The following GALNT13 variants were observed in gnomAD, a reference collection of about 807,000 sequenced individuals.
GALNT13 encodes UDP-GalNAc:polypeptide N-acetylgalactosaminyltransferase 13.
A neutral mutation model predicts 64.2 loss-of-function variants in GALNT13; 28 were observed. The observed-to-expected ratio is 0.44, with a 90% confidence interval of 0.32 to 0.60. GALNT13 has a LOEUF of 0.60. Ranked by LOEUF, GALNT13 falls within the 20% of genes least tolerant of loss-of-function variation. The pLI is 0.05. For synonymous variants in GALNT13, 214 were observed against 224.6 expected, an observed-to-expected ratio of 0.95 and a Z score of 0.42; for missense variants, 577 against 669.8, an observed-to-expected ratio of 0.86 and a Z score of 1.53.
intron 10 of GALNT13, among the ~76,000 whole-genome samples, chr2:154,408,009 A>AT (rs1553527472): frequency 1.3e-5 from 2 of 152,130 alleles, no homozygotes; most frequent in Non-Finnish European, 1.5e-5. Context: ...ATAAGTAAAT[A>AT]TATGTGTCCA....
At chr2:153,184,515 G>A in the GALNT13 span, among the ~76,000 whole-genome samples, 1 of 152,136 alleles carries the variant, frequency 6.6e-6, no homozygotes, top group Non-Finnish European at 1.5e-5. Flanking sequence ...ATGTTGAATG[G>A]GAGTGGTGAG....
At chr2:153,936,908 G>A (rs754632722) in intron 2 of GALNT13, among the ~76,000 whole-genome samples, 24 of 151,932 alleles carry the variant, frequency 1.6e-4, no homozygotes, top group Non-Finnish European at 2.8e-4. Context: ...TTGTAGAGAC[G>A]GGGTTTCACT....
chr2:154,385,906 A>C (rs1187784562), intron 9 of GALNT13, among the ~76,000 whole-genome samples: 1 of 152,074 alleles, frequency 6.6e-6, no homozygotes, highest in Admixed American at 6.6e-5. Flanking sequence ...GGAAAAACAC[A>C]GCTTTTCCTG....
At chr2:154,075,477 A>G (rs1250025715) in intron 3 of GALNT13, among the ~76,000 whole-genome samples, 3 of 151,858 alleles carry the variant, frequency 2.0e-5, no homozygotes, top group African/African-American at 4.8e-5. Flanking sequence ...ATTCCTCTAT[A>G]ACAGTTTTAG....
the GALNT13 span, among the ~76,000 whole-genome samples, chr2:153,079,076 T>A: frequency 2.6e-5 from 4 of 152,112 alleles, no homozygotes; most frequent in Non-Finnish European, 5.9e-5. Flanking sequence ...GTCAGTAGAT[T>A]AGGAGACGAC....
intron 3 of GALNT13, among the ~76,000 whole-genome samples, chr2:153,949,960 T>G (rs143944378): frequency 1.1e-4 from 16 of 152,134 alleles, no homozygotes; most frequent in African/African-American, 3.6e-4. Flanking sequence ...AAGTTTGGAT[T>G]TAGGACTTAA....
intron 9 of GALNT13, among the ~76,000 whole-genome samples, chr2:154,347,975 T>C (rs762168991): frequency 1.3e-5 from 2 of 152,152 alleles, no homozygotes; most frequent in Non-Finnish European, 2.9e-5. Context: ...TTTTAAAAAA[T>C]CAAGTACATT....
chr2:153,959,830 C>T (rs1169916612), intron 3 of GALNT13, among the ~76,000 whole-genome samples: 2 of 152,096 alleles, frequency 1.3e-5, no homozygotes, highest in Admixed American at 1.3e-4. Flanking sequence ...ATGGCTGCCC[C>T]CCACCAATGG....
At chr2:153,226,608 A>G in the GALNT13 span, among the ~76,000 whole-genome samples, 2 of 152,182 alleles carry the variant, frequency 1.3e-5, no homozygotes, top group African/African-American at 4.8e-5. Flanking sequence ...TCCCATTTGA[A>G]GGGCATTCTA....
intron 7 of GALNT13, among the ~76,000 whole-genome samples, chr2:154,256,264 G>A (rs1446403675): frequency 1.3e-5 from 2 of 149,770 alleles, no homozygotes; most frequent in Non-Finnish European, 3.0e-5. Context: ...AAAAAAAAAA[G>A]CGAGAGAGAT....
intron 3 of GALNT13, among the ~76,000 whole-genome samples, chr2:153,973,054 A>C (rs1693844310): frequency 6.6e-6 from 1 of 152,184 alleles, no homozygotes; most frequent in Admixed American, 6.6e-5. Flanking sequence ...AATACAATTT[A>C]TTAATTGGTA....
At chr2:153,944,686 T>G in intron 3 of GALNT13, 47 bp downstream of exon 3, 1 of 1,498,190 alleles carries the variant, frequency 6.7e-7, no homozygotes. Flanking sequence ...ATGAGAAAAG[T>G]GGTGCCTTGA....
chr2:153,651,715 G>T, the GALNT13 span, among the ~76,000 whole-genome samples: 1 of 152,096 alleles, frequency 6.6e-6, no homozygotes, highest in Non-Finnish European at 1.5e-5. Flanking sequence ...TAACAGATCT[G>T]GGCAGAGGTT....
the GALNT13 span, among the ~76,000 whole-genome samples, chr2:153,519,201 C>T: frequency 2.0e-5 from 3 of 152,134 alleles, no homozygotes; most frequent in African/African-American, 7.2e-5. Context: ...CGATATTTTC[C>T]ATTTAAACGG....
intron 3 of GALNT13, among the ~76,000 whole-genome samples, chr2:154,090,878 A>T (rs993394184): frequency 8.6e-5 from 13 of 152,026 alleles, no homozygotes; most frequent in Non-Finnish European, 1.9e-4. Flanking sequence ...ATTTTTGGTT[A>T]TAGAAAGCAA....
the GALNT13 span, among the ~76,000 whole-genome samples, chr2:153,754,339 C>A: frequency 2.6e-5 from 4 of 151,788 alleles, no homozygotes; most frequent in Non-Finnish European, 5.9e-5. Context: ...CTCTGACCCT[C>A]AATGTAGTAC....
the GALNT13 span, chr2:153,356,572 GT>G: frequency 6.6e-6 from 1 of 152,142 alleles, no homozygotes; most frequent in Non-Finnish European, 1.5e-5. Flanking sequence ...CGTGCCAAAT[GT>G]ACTAACATTC....
chr2:153,729,120 A>G, the GALNT13 span, among the ~76,000 whole-genome samples: 1 of 152,028 alleles, frequency 6.6e-6, no homozygotes, highest in Non-Finnish European at 1.5e-5. Context: ...AAGAAGGACT[A>G]CTCCCTAACT....
intron 1 of GALNT13, among the ~76,000 whole-genome samples, chr2:153,890,101 A>G (rs1390251642): frequency 6.6e-6 from 1 of 151,898 alleles, no homozygotes; most frequent in Non-Finnish European, 1.5e-5. Flanking sequence ...ATAGAGCTAC[A>G]TGTTTTCATG....
Sources: gnomAD v4.1 joint callset for allele counts (sites outside exome capture counted in the v4.1 genomes callset) on GRCh38, gnomAD v4.1.1 for gene constraint, MANE v1.5 for transcripts, NCBI Gene and HGNC (gene_info 2026-07-23, HGNC 2026-07-21) for gene names.